The following ANK3 variants were observed in gnomAD, a reference collection of about 807,000 sequenced individuals.
ANK3 encodes the protein ankyrin-3.
ANK3 carries 57 observed loss-of-function variants against 370.9 expected under a neutral mutation model. The observed-to-expected ratio is 0.15, with a 90% CI of 0.12 to 0.19. The LOEUF (loss-of-function observed/expected upper bound fraction) is 0.19, where lower values mean the gene tolerates loss of function less well. Ranked by LOEUF, ANK3 falls within the 10% of genes least tolerant of loss-of-function variation. ANK3 has a pLI of 1.00. For missense variants in ANK3, 4,439 were observed against 5,302.1 expected, an observed-to-expected ratio of 0.84 and a Z score of 5.06; for synonymous variants, 1,929 against 1,946.3, an observed-to-expected ratio of 0.99 and a Z score of 0.23.
intron 2 of ANK3, among the ~76,000 whole-genome samples, chr10:60,418,909 C>T (rs1022673896): frequency 1.3e-5 from 2 of 151,924 alleles, no homozygotes; most frequent in Non-Finnish European, 2.9e-5. Context: ...TGATCAAAAC[C>T]GAGATTCTAA....
At position 60,198,506 on chromosome 10, in the gene ANK3, C is replaced by T. The variant is rs1348899338; in HGVS notation, c.1523G>A (p.Arg508Gln). The T allele has an allele frequency of 1.9e-6, 3 of 1,614,118 alleles. No individual in the cohort carries two copies. The highest frequency in any genetic ancestry group is 1.1e-5 in the South Asian group (1 of 91,070). ...TTGTACTATGTCTGCTTTCCCCAGT[C>T]GGGCTGAAATGTGGAGTGGTGTTTG... ...DDQTPLHISA[R>Q]LGKADIVQQL... The change falls in exon 14 of 44, where the codon CGA (arginine) becomes CAA (glutamine). Residue 508 changes from arginine to glutamine, a missense_variant. By Grantham distance (43) the Arg-to-Gln change is conservative. Transcript: ENST00000280772.
chr10:60,535,513 AG>A, intron 2 of ANK3, among the ~76,000 whole-genome samples: 1 of 152,182 alleles, frequency 6.6e-6, no homozygotes, highest in South Asian at 2.1e-4. Context: ...AATAATATTC[AG>A]GCAGCCTAAT....
chr10:60,142,598 A>G (rs775537934), intron 23 of ANK3, among the ~76,000 whole-genome samples: 2 of 151,720 alleles, frequency 1.3e-5, no homozygotes, highest in Admixed American at 1.3e-4. Context: ...GGTATACAGT[A>G]AAATTTCAAT....
chr10:60,053,699 C>T (rs370966404), intron 42 of ANK3: 20 of 1,303,640 alleles, frequency 1.5e-5, no homozygotes, highest in Admixed American at 4.6e-5. Flanking sequence ...GGCAGTCATC[C>T]GTGTAGGAGC....
At chr10:60,047,769 TAC>T (rs2077199428) in intron 42 of ANK3, among the ~76,000 whole-genome samples, 1 of 152,234 alleles carries the variant, frequency 6.6e-6, no homozygotes, top group African/African-American at 2.4e-5. Flanking sequence ...TGTGTTGGTT[TAC>T]AGTTTTTTAC....
chr10:60,522,069 T>A (rs1459541347), intron 2 of ANK3, among the ~76,000 whole-genome samples: 1 of 152,058 alleles, frequency 6.6e-6, no homozygotes, highest in Non-Finnish European at 1.5e-5. Context: ...TAAGAAAATG[T>A]CAGCTCCAAG....
In ANK3 at chr10:60,074,985, C is replaced by T; in HGVS notation, c.5896G>A (p.Val1966Ile). ...VKVSEILKKD[V>I]CVDNKGSPKS... ...GGTGATCCTTTATTATCTACACATA[C>T]ATCCTTTTTAAGGATTTCACTAACT... is the stretch of plus-strand genomic sequence containing the variant. Residue 1966 changes from valine (V) to isoleucine (I), a missense_variant, in exon 37 of 44, where the codon GTA becomes ATA. Physicochemically the swap from Val to Ile is conservative, Grantham distance 29. This residue lies in a region of ANK3 where 679 missense variants were observed against 791.0 expected (regional missense o/e 0.86). Coordinates refer to ENST00000280772, the MANE Select transcript of ANK3 (RefSeq NM_020987.5). 18 of 1,613,992 alleles carry T rather than the reference C, an allele frequency of 1.1e-5. No homozygotes were observed. The highest frequency in any genetic ancestry group is 1.5e-5 in the Non-Finnish European group (18 of 1,179,932).
chr10:60,693,862 G>T (rs1349828862), intron 1 of ANK3, among the ~76,000 whole-genome samples: 1 of 152,194 alleles, frequency 6.6e-6, no homozygotes, highest in Non-Finnish European at 1.5e-5. Flanking sequence ...CCAAAGGAAT[G>T]CAGTTCCTCA....
chr10:60,105,277 C>T (rs2092009482), intron 28 of ANK3, among the ~76,000 whole-genome samples: 1 of 151,912 alleles, frequency 6.6e-6, no homozygotes, highest in Non-Finnish European at 1.5e-5. Context: ...AGACTATTCC[C>T]AATGTCTACT....
At chr10:60,493,342 G>C (rs1326626599) in intron 2 of ANK3, among the ~76,000 whole-genome samples, 3 of 152,092 alleles carry the variant, frequency 2.0e-5, no homozygotes, top group Non-Finnish European at 4.4e-5. Flanking sequence ...AGTGGAGATG[G>C]AGAGATCAGT....
chr10:60,255,528 C>A (rs2097721808), intron 7 of ANK3, among the ~76,000 whole-genome samples: 1 of 152,054 alleles, frequency 6.6e-6, no homozygotes, highest in Non-Finnish European at 1.5e-5. Context: ...TGGACAATAG[C>A]AGATAAATAA....
chr10:60,375,684 C>T (rs1408132330), intron 1 of ANK3, among the ~76,000 whole-genome samples: 1 of 152,194 alleles, frequency 6.6e-6, no homozygotes, highest in East Asian at 1.9e-4. Context: ...CTCCATAAAC[C>T]ACATTTCTTC....
Position 60,176,762 on chromosome 10 carries a change from A to T in ANK3, c.2185-3576T>A, listed in dbSNP as rs145636998. On this transcript the variant is annotated intron_variant, in intron 18 of 43. Transcript: ENST00000280772. ...TGACAAGAGCGAAACTTCGTCTCAA[A>T]AAATAAATAAATAAATAAAATAAAC... Among the ~76,000 whole-genome samples, 1,150 of 151,808 alleles carry T rather than the reference A, an allele frequency of 7.6e-3. 14 individuals carry two copies. Among genetic ancestry groups the T allele is most frequent in the African/African-American group, 0.026 (1,086 of 41,116 alleles).
intron 2 of ANK3, among the ~76,000 whole-genome samples, chr10:60,439,327 G>T (rs2064235373): frequency 6.6e-6 from 1 of 152,042 alleles, no homozygotes; most frequent in South Asian, 2.1e-4. Flanking sequence ...ACAGAATCCT[G>T]TGGTAGAGAC....
chr10:60,091,627 G>C (rs997812882), intron 28 of ANK3, among the ~76,000 whole-genome samples: 1 of 152,200 alleles, frequency 6.6e-6, no homozygotes, highest in African/African-American at 2.4e-5. Context: ...GCCAGACAAA[G>C]AGCGACTGCC....
rs61678524 is a variant in ANK3, at chr10:60,034,106, GT to G, written c.*20-4281del. 1.7e-3 allele frequency among the ~76,000 whole-genome samples: 200 copies of G among 115,870 alleles called. 1 individual carries two copies. In the East Asian group the frequency reaches 0.023, roughly 13 times the overall value. The allele number at this position is 115,870 out of a possible 152,430, so 76.0% of individuals were successfully genotyped here. ...GTTTTTTTTTTTGTTTTGTTTTTTG[GT>G]TTTTTTTTTTTTTTTTTGAGACAGA... On this transcript the variant is annotated intron_variant, in intron 43 of 43. Transcript: ENST00000280772.
At chr10:60,183,394 C>T (rs1252575891) in intron 17 of ANK3, among the ~76,000 whole-genome samples, 2 of 152,056 alleles carry the variant, frequency 1.3e-5, no homozygotes, top group African/African-American at 4.8e-5. Flanking sequence ...AAAAATCAAA[C>T]ATTTTTCTTA....
chr10:60,372,874 C>G (rs1257988603), intron 1 of ANK3, among the ~76,000 whole-genome samples: 1 of 152,216 alleles, frequency 6.6e-6, no homozygotes, highest in Non-Finnish European at 1.5e-5. Flanking sequence ...TCCATTTACT[C>G]ACTCTAATGA....
chr10:60,562,240 C>T (rs2077352268), intron 2 of ANK3, among the ~76,000 whole-genome samples: 1 of 152,228 alleles, frequency 6.6e-6, no homozygotes, highest in Admixed American at 6.5e-5. Flanking sequence ...AGACAGCCTG[C>T]ATTCAGCAAA....
Sources: gnomAD v4.1 joint callset for allele counts (sites outside exome capture counted in the v4.1 genomes callset) on GRCh38, gnomAD v4.1.1 for gene constraint, gnomAD v4.1.1 regional missense constraint, MANE v1.5 for transcripts, NCBI Gene and HGNC (gene_info 2026-07-23, HGNC 2026-07-21) for gene names.